Variants in NAA11 observed in about 807,000 individuals in gnomAD.
NAA11 encodes N-alpha-acetyltransferase 11, NatA catalytic subunit, also known as N-alpha-acetyltransferase 11.
Under a neutral mutation model 16.1 loss-of-function variants are expected in NAA11, and 15 were observed. The ratio of observed to expected loss-of-function variants is 0.93; its 90% CI spans 0.62 to 1.44. The LOEUF (loss-of-function observed/expected upper bound fraction) is 1.44. NAA11 is among the 40% of genes most tolerant of loss of function. The pLI is 0.00. For missense variants in NAA11, 298 were observed against 291.3 expected (o/e 1.02, Z -0.17); for synonymous variants, 122 against 112.4 (o/e 1.09, Z -0.54).
the NAA11 span, among the ~76,000 whole-genome samples, chr4:79,182,776 A>G: frequency 2.0e-5 from 3 of 152,150 alleles, no homozygotes; most frequent in Non-Finnish European, 4.4e-5. Context: ...ACACGTAATC[A>G]TTTCTCCATT....
At chr4:79,182,760 G>A in the NAA11 span, among the ~76,000 whole-genome samples, 3 of 152,116 alleles carry the variant, frequency 2.0e-5, no homozygotes, top group Middle Eastern at 3.4e-3. Flanking sequence ...AACTTTATAC[G>A]GACAGACACG....
intron 1 of NAA11, among the ~76,000 whole-genome samples, chr4:79,320,419 G>A (rs1724057515): frequency 6.6e-6 from 1 of 152,122 alleles, no homozygotes; most frequent in Non-Finnish European, 1.5e-5. Context: ...GAGGAGTTGT[G>A]CTTAGCAATT....
the NAA11 span, among the ~76,000 whole-genome samples, chr4:79,188,307 C>T: frequency 6.6e-6 from 1 of 152,056 alleles, no homozygotes; most frequent in African/African-American, 2.4e-5. Flanking sequence ...AACTTCTGGC[C>T]GGGCGCGGTG....
the NAA11 span, among the ~76,000 whole-genome samples, chr4:79,168,673 T>C: frequency 6.6e-6 from 1 of 152,218 alleles, no homozygotes; most frequent in East Asian, 1.9e-4. Context: ...TGTCTTCTTT[T>C]GAGAATTGCC....
chr4:79,309,701 GT>G (rs199910258), intron 1 of NAA11, among the ~76,000 whole-genome samples: 14,248 of 107,130 alleles, frequency 0.13, 1,844 homozygotes, highest in African/African-American at 0.29. Flanking sequence ...TTCTATTGGT[GT>G]TTTTTTTTTT....
At chr4:79,325,153 C>G in intron 1 of NAA11, 23 bp downstream of exon 1, 2 of 1,542,952 alleles carry the variant, frequency 1.3e-6, no homozygotes, top group South Asian at 1.2e-5. Flanking sequence ...GAAGGGGGTA[C>G]TGGGTCAGGG....
intron 2 of NAA11, among the ~76,000 whole-genome samples, chr4:79,286,977 G>T (rs138338134): frequency 9.4e-4 from 143 of 152,176 alleles, no homozygotes; most frequent in South Asian, 1.7e-3. Context: ...AAGATGGTAT[G>T]GTACAAAACC....
intron 2 of NAA11, among the ~76,000 whole-genome samples, chr4:79,234,175 C>T (rs1437556670): frequency 1.3e-5 from 2 of 151,974 alleles, no homozygotes; most frequent in African/African-American, 4.8e-5. Context: ...CAAAATCTTC[C>T]CTGCCTAAAA....
chr4:79,175,743 TAAA>T, the NAA11 span, among the ~76,000 whole-genome samples: 34 of 123,444 alleles, frequency 2.8e-4, no homozygotes, highest in Admixed American at 7.3e-4. Flanking sequence ...GTAATCACTG[TAAA>T]AAAAAAAAAA....
chr4:79,212,469 G>T, the NAA11 span, among the ~76,000 whole-genome samples: 3 of 151,864 alleles, frequency 2.0e-5, no homozygotes, highest in Non-Finnish European at 4.4e-5. Context: ...CAAAGGCCTT[G>T]TCATGTACAT....
intron 2 of NAA11, among the ~76,000 whole-genome samples, chr4:79,242,439 C>G (rs1350496214): frequency 6.6e-6 from 1 of 152,204 alleles, no homozygotes; most frequent in Non-Finnish European, 1.5e-5. Flanking sequence ...TTAGTCTGGC[C>G]TGGGGAAACC....
intron 2 of NAA11, among the ~76,000 whole-genome samples, chr4:79,275,268 A>G (rs1341515889): frequency 6.6e-6 from 1 of 152,110 alleles, no homozygotes; most frequent in Non-Finnish European, 1.5e-5. Flanking sequence ...CTCATGATTT[A>G]GAGAAAATAG....
the NAA11 span, among the ~76,000 whole-genome samples, chr4:79,185,277 A>G: frequency 6.6e-6 from 1 of 152,168 alleles, no homozygotes; most frequent in East Asian, 1.9e-4. Flanking sequence ...TAAAGTCACA[A>G]ATCTTTCACA....
chr4:79,156,818 ATCT>A, the NAA11 span, among the ~76,000 whole-genome samples: 8 of 152,196 alleles, frequency 5.3e-5, no homozygotes, highest in African/African-American at 1.9e-4. Flanking sequence ...TTGTATCCAA[ATCT>A]TCTTATTTCT....
intron 1 of NAA11, among the ~76,000 whole-genome samples, chr4:79,301,063 G>A (rs1452591642): frequency 1.3e-5 from 2 of 152,140 alleles, no homozygotes; most frequent in African/African-American, 4.8e-5. Flanking sequence ...AAATGAATTA[G>A]CAAACTGATC....
intron 2 of NAA11, among the ~76,000 whole-genome samples, chr4:79,282,857 T>G (rs541505367): frequency 4.2e-4 from 64 of 152,120 alleles, no homozygotes; most frequent in Admixed American, 1.8e-3. Flanking sequence ...GAGTGTAGAC[T>G]AAAGAAGAAA....
intron 1 of NAA11, among the ~76,000 whole-genome samples, chr4:79,299,823 G>C (rs910742101): frequency 6.6e-6 from 1 of 152,158 alleles, no homozygotes; most frequent in African/African-American, 2.4e-5. Context: ...CAGATACCAG[G>C]ACATTCTGCT....
chr4:79,161,936 G>A, the NAA11 span, among the ~76,000 whole-genome samples: 334 of 152,154 alleles, frequency 2.2e-3, 3 homozygotes, highest in African/African-American at 7.5e-3. Context: ...CCACCTCGGC[G>A]TCCCAAAGTG....
At chr4:79,292,023 G>A (rs142196524) in intron 2 of NAA11, among the ~76,000 whole-genome samples, 2 of 152,206 alleles carry the variant, frequency 1.3e-5, no homozygotes, top group Non-Finnish European at 2.9e-5. Context: ...GAGAGAGATG[G>A]CTACTTAACA....
Sources: gnomAD v4.1 joint callset for allele counts (sites outside exome capture counted in the v4.1 genomes callset) on GRCh38, gnomAD v4.1.1 for gene constraint, MANE v1.5 for transcripts, NCBI Gene and HGNC (gene_info 2026-07-23, HGNC 2026-07-21) for gene names.